REDIC1: variants seen among roughly 807,000 people sequenced by gnomAD.
The protein encoded by REDIC1 is regulator of DNA class I crossover intermediates 1.
chr12:39,753,253 A>C, the REDIC1 span, among the ~76,000 whole-genome samples: 93 of 152,306 alleles, frequency 6.1e-4, 1 homozygote, highest in African/African-American at 2.2e-3. Context: ...CTGCATTCAA[A>C]GCATCTATAG....
the REDIC1 span, among the ~76,000 whole-genome samples, chr12:39,847,628 C>A: frequency 6.6e-6 from 1 of 151,952 alleles, no homozygotes; most frequent in Non-Finnish European, 1.5e-5. Flanking sequence ...AGGATAGGAG[C>A]CTGGATGCCT....
the REDIC1 span, among the ~76,000 whole-genome samples, chr12:39,674,086 G>T: frequency 6.6e-6 from 1 of 152,038 alleles, no homozygotes; most frequent in Non-Finnish European, 1.5e-5. Flanking sequence ...TAGGATAATT[G>T]CTCTCTGTCA....
At chr12:39,731,757 C>A in the REDIC1 span, among the ~76,000 whole-genome samples, 1 of 152,094 alleles carries the variant, frequency 6.6e-6, no homozygotes, top group East Asian at 1.9e-4. Flanking sequence ...CTATAGCCGC[C>A]CCTTCCCCCA....
At chr12:39,776,707 G>T in the REDIC1 span, among the ~76,000 whole-genome samples, 1 of 145,972 alleles carries the variant, frequency 6.9e-6, no homozygotes, top group Non-Finnish European at 1.5e-5. Context: ...TTTCCATGAG[G>T]TAGGGATGGG....
At chr12:39,844,410 C>T in the REDIC1 span, among the ~76,000 whole-genome samples, 1 of 151,986 alleles carries the variant, frequency 6.6e-6, no homozygotes, top group African/African-American at 2.4e-5. Flanking sequence ...CGATAAAGTT[C>T]TTATACTAAG....
the REDIC1 span, among the ~76,000 whole-genome samples, chr12:39,840,249 C>T: frequency 3.9e-5 from 6 of 152,030 alleles, no homozygotes; most frequent in South Asian, 2.1e-4. Flanking sequence ...CCAGCCACCA[C>T]GCCCAGCCTT....
the REDIC1 span, among the ~76,000 whole-genome samples, chr12:39,809,176 T>C: frequency 1.3e-5 from 2 of 152,184 alleles, no homozygotes; most frequent in East Asian, 3.8e-4. Context: ...AAGACTATTC[T>C]TTCCCCATTG....
chr12:39,682,912 A>G, the REDIC1 span: 2 of 1,613,092 alleles, frequency 1.2e-6, no homozygotes, highest in East Asian at 2.2e-5. Context: ...TATGGGAGAT[A>G]CTTGTGTAGT....
chr12:39,702,540 T>C, the REDIC1 span, among the ~76,000 whole-genome samples: 2 of 152,086 alleles, frequency 1.3e-5, no homozygotes, highest in Non-Finnish European at 2.9e-5. Context: ...TCTGAAACTA[T>C]TCCAATCAAT....
the REDIC1 span, among the ~76,000 whole-genome samples, chr12:39,670,998 A>T: frequency 6.1e-4 from 93 of 152,032 alleles, no homozygotes; most frequent in African/African-American, 1.5e-3. Context: ...AGCTTCTTTT[A>T]TATCATGATT....
At chr12:39,754,476 G>T in the REDIC1 span, 1 of 152,102 alleles carries the variant, frequency 6.6e-6, no homozygotes, top group Non-Finnish European at 1.5e-5. Flanking sequence ...AGAGTCTTCA[G>T]AAGATCTCCT....
the REDIC1 span, among the ~76,000 whole-genome samples, chr12:39,698,354 A>T: frequency 3.3e-5 from 5 of 152,196 alleles, no homozygotes; most frequent in Non-Finnish European, 7.3e-5. Context: ...AGCAAATATT[A>T]TTAGAGTGAA....
chr12:39,685,053 C>A, the REDIC1 span: 6 of 579,506 alleles, frequency 1.0e-5, no homozygotes, highest in Non-Finnish European at 1.7e-5. Context: ...TGGATGGACT[C>A]TTTTTCTTAT....
chr12:39,645,232 C>G, the REDIC1 span, among the ~76,000 whole-genome samples: 2 of 151,952 alleles, frequency 1.3e-5, no homozygotes, highest in Non-Finnish European at 2.9e-5. Context: ...GCCTGAACTC[C>G]TGCACTTTCT....
the REDIC1 span, among the ~76,000 whole-genome samples, chr12:39,700,821 A>C: frequency 6.6e-6 from 1 of 152,126 alleles, no homozygotes; most frequent in Non-Finnish European, 1.5e-5. Flanking sequence ...CCAGAATTTC[A>C]TATCCAGCCA....
chr12:39,896,510 ATG>A, the REDIC1 span, among the ~76,000 whole-genome samples: 5 of 144,492 alleles, frequency 3.5e-5, no homozygotes, highest in South Asian at 2.2e-4. Context: ...ATGTATGTAC[ATG>A]TGTGTATACA....
chr12:39,674,118 TC>T, the REDIC1 span, among the ~76,000 whole-genome samples: 1 of 152,234 alleles, frequency 6.6e-6, no homozygotes, highest in South Asian at 2.1e-4. Context: ...AAGAATCCTT[TC>T]CAACTTTAGT....
chr12:39,728,336 A>G, the REDIC1 span, among the ~76,000 whole-genome samples: 1 of 152,158 alleles, frequency 6.6e-6, no homozygotes, highest in African/African-American at 2.4e-5. Context: ...TAGTTTATTG[A>G]GAGTTTTTAG....
At chr12:39,711,801 G>GCATGTGTATGTGTGTGTACACATA in the REDIC1 span, among the ~76,000 whole-genome samples, 2 of 118,474 alleles carry the variant, frequency 1.7e-5, no homozygotes, top group Non-Finnish European at 1.9e-5. Flanking sequence ...GTGTACACAT[G>GCATGTGTATGTGTGTGTACACATA]CATGTGTATG....
Sources: allele counts gnomAD v4.1 joint callset (sites outside exome capture counted in the v4.1 genomes callset), GRCh38; gene constraint gnomAD v4.1.1; transcripts MANE v1.5; gene names NCBI Gene and HGNC (gene_info 2026-07-23, HGNC 2026-07-21).